Variants in CEP63 observed in about 807,000 individuals in gnomAD.
CEP63 encodes centrosomal protein of 63 kDa.
CEP63 carries 84 observed loss-of-function variants against 89.1 expected under a neutral mutation model. The observed-to-expected ratio is 0.94, with a 90% CI of 0.79 to 1.13. The LOEUF (loss-of-function observed/expected upper bound fraction) is 1.13. Ranked by LOEUF, CEP63 falls within the 50% of genes most tolerant of loss-of-function variation. The pLI is 0.00. For synonymous variants in CEP63, 267 were observed against 272.5 expected (o/e 0.98, Z 0.20); for missense variants, 838 against 813.3 (o/e 1.03, Z -0.37).
chr3:134,674,310 A>T, the CEP63 span, among the ~76,000 whole-genome samples: 2 of 152,370 alleles, frequency 1.3e-5, no homozygotes, highest in South Asian at 2.1e-4. Flanking sequence ...CAACTGAAAT[A>T]TACCATATTA....
the CEP63 span, chr3:134,608,900 C>T: frequency 1.7e-4 from 265 of 1,545,102 alleles, 2 homozygotes; most frequent in African/African-American, 3.2e-3. Flanking sequence ...GGGCCCAATA[C>T]ACCCACCGGA....
At chr3:134,704,351 T>G in the CEP63 span, among the ~76,000 whole-genome samples, 1 of 152,166 alleles carries the variant, frequency 6.6e-6, no homozygotes, top group Non-Finnish European at 1.5e-5. Flanking sequence ...CATTCATGTC[T>G]GCATCATCAG....
At chr3:134,726,180 C>G in the CEP63 span, among the ~76,000 whole-genome samples, 4 of 152,160 alleles carry the variant, frequency 2.6e-5, no homozygotes, top group Non-Finnish European at 5.9e-5. Flanking sequence ...TAAACACGTT[C>G]CATGGCGAGA....
chr3:134,669,468 A>AG, the CEP63 span, among the ~76,000 whole-genome samples: 1 of 152,092 alleles, frequency 6.6e-6, no homozygotes, highest in African/African-American at 2.4e-5. Context: ...AGTAATGAGG[A>AG]GGGGGGTCTT....
At chr3:134,726,260 C>T in the CEP63 span, among the ~76,000 whole-genome samples, 3 of 152,174 alleles carry the variant, frequency 2.0e-5, no homozygotes, top group South Asian at 4.1e-4. Flanking sequence ...TCACACACCT[C>T]GTGCCGGCCT....
the CEP63 span, among the ~76,000 whole-genome samples, chr3:134,653,506 A>G: frequency 6.6e-6 from 1 of 152,200 alleles, no homozygotes; most frequent in Admixed American, 6.5e-5. Context: ...CCAGGAGCAT[A>G]GATGAGATGC....
intron 13 of CEP63, among the ~76,000 whole-genome samples, chr3:134,558,623 C>T (rs1452865763): frequency 6.6e-6 from 1 of 152,216 alleles, no homozygotes; most frequent in Non-Finnish European, 1.5e-5. Context: ...CCTTCCACCT[C>T]TTCAACCCCA....
chr3:134,760,371 T>C, the CEP63 span, among the ~76,000 whole-genome samples: 12 of 152,286 alleles, frequency 7.9e-5, no homozygotes, highest in Non-Finnish European at 1.8e-4. Flanking sequence ...CACTTTCTTT[T>C]ATGTGGTTTC....
the CEP63 span, among the ~76,000 whole-genome samples, chr3:134,746,366 G>C: frequency 6.6e-6 from 1 of 152,080 alleles, no homozygotes; most frequent in Middle Eastern, 3.2e-3. Flanking sequence ...ATTGTGAATA[G>C]TGCTGCAATA....
chr3:134,654,790 G>A, the CEP63 span, among the ~76,000 whole-genome samples: 8 of 152,142 alleles, frequency 5.3e-5, no homozygotes, highest in South Asian at 2.1e-4. Flanking sequence ...GTTGGAGGGC[G>A]GGTATAGAAG....
chr3:134,521,082 A>T (rs1052747814), intron 3 of CEP63, among the ~76,000 whole-genome samples: 3 of 152,198 alleles, frequency 2.0e-5, no homozygotes, highest in African/African-American at 7.2e-5. Flanking sequence ...CTATAAATTA[A>T]TAAGTTAACT....
intron 3 of CEP63, among the ~76,000 whole-genome samples, chr3:134,531,412 G>C (rs1056253892): frequency 6.6e-6 from 1 of 152,016 alleles, no homozygotes; most frequent in Non-Finnish European, 1.5e-5. Context: ...GGGAAACCCT[G>C]TCTCTACTAA....
At chr3:134,612,858 AC>A in the CEP63 span, 1 of 151,430 alleles carries the variant, frequency 6.6e-6, no homozygotes, top group Non-Finnish European at 1.5e-5. Flanking sequence ...CACAAAAGGC[AC>A]CTGATCTTTT....
the CEP63 span, among the ~76,000 whole-genome samples, chr3:134,665,800 A>T: frequency 1.3e-5 from 2 of 151,864 alleles, no homozygotes; most frequent in African/African-American, 4.8e-5. Context: ...CAGACAGAGG[A>T]AGAAAGAACA....
At chr3:134,593,488 T>C in the CEP63 span, among the ~76,000 whole-genome samples, 2 of 152,096 alleles carry the variant, frequency 1.3e-5, no homozygotes, top group African/African-American at 4.8e-5. Flanking sequence ...GGGTTAGGAA[T>C]CAGGCGGTCA....
the CEP63 span, among the ~76,000 whole-genome samples, chr3:134,621,219 C>T: frequency 2.6e-4 from 40 of 152,256 alleles, no homozygotes; most frequent in South Asian, 8.3e-3. Flanking sequence ...ATGGAAAAGT[C>T]AGTTCTCAAA....
intron 1 of CEP63, among the ~76,000 whole-genome samples, chr3:134,488,885 C>T (rs973721200): frequency 6.6e-6 from 1 of 151,748 alleles, no homozygotes; most frequent in Non-Finnish European, 1.5e-5. Context: ...AGGCTGGGCG[C>T]GGTGGCTCAC....
At chr3:134,490,335 T>G (rs1026456203) in intron 1 of CEP63, among the ~76,000 whole-genome samples, 1 of 152,128 alleles carries the variant, frequency 6.6e-6, no homozygotes, top group Admixed American at 6.5e-5. Flanking sequence ...ATTAATAGAA[T>G]TAGTTTTTTT....
the CEP63 span, among the ~76,000 whole-genome samples, chr3:134,620,484 G>A: frequency 2.8e-4 from 42 of 152,212 alleles, no homozygotes; most frequent in Admixed American, 7.2e-4. Flanking sequence ...GAAGGCTGCT[G>A]CTGGATGAAG....
Sources: allele counts gnomAD v4.1 joint callset (sites outside exome capture counted in the v4.1 genomes callset), GRCh38; gene constraint gnomAD v4.1.1; transcripts MANE v1.5; gene names NCBI Gene and HGNC (gene_info 2026-07-23, HGNC 2026-07-21).